The following PRKAG2 variants were observed in gnomAD, a reference collection of about 807,000 sequenced individuals.
The protein encoded by PRKAG2 is protein kinase AMP-activated non-catalytic subunit gamma 2.
A neutral mutation model predicts 69.6 loss-of-function variants in PRKAG2; 26 were observed. The ratio of observed to expected loss-of-function variants is 0.37; its 90% CI spans 0.27 to 0.52. PRKAG2 has a LOEUF of 0.52. Among genes scored for constraint, PRKAG2 ranks in the 20% least tolerant of loss-of-function variants. PRKAG2 has a pLI of 0.90. For missense variants in PRKAG2, 557 were observed against 740.0 expected (o/e 0.75, Z 2.87); for synonymous variants, 293 against 285.0 (o/e 1.03, Z -0.28).
intron 6 of PRKAG2, among the ~76,000 whole-genome samples, chr7:151,593,440 C>G (rs111589757): frequency 6.6e-6 from 1 of 152,150 alleles, no homozygotes; most frequent in African/African-American, 2.4e-5. Flanking sequence ...GTGATCTGCC[C>G]GCCTTGGCCT....
chr7:151,861,528 CAAAAAAAAAA>C (rs11406004), intron 1 of PRKAG2, among the ~76,000 whole-genome samples: 2 of 96,586 alleles, frequency 2.1e-5, no homozygotes, highest in Admixed American at 1.2e-4. Flanking sequence ...ACTCTGTCTC[CAAAAAAAAAA>C]AAAAAAAAAA....
At chr7:151,855,330 G>A (rs777197563) in intron 1 of PRKAG2, among the ~76,000 whole-genome samples, 217 of 1,346 alleles carry the variant, frequency 0.16, 40 homozygotes, top group Non-Finnish European at 0.19. Context: ...CCCACACACC[G>A]CCCTCCACAC....
At position 151,781,075 on chromosome 7, in the gene PRKAG2, C is replaced by T. The variant is rs2076642972; in HGVS notation, c.466+77G>A. The T allele has an allele frequency of 6.3e-7, 1 of 1,591,198 alleles. No individual in the cohort carries two copies. The highest frequency in any genetic ancestry group is 8.6e-7 in the Non-Finnish European group (1 of 1,163,430). Reference sequence around the variant, plus strand: ...TCACAGCCACCTGGCAGCTTCGGTGCCACCGTGGATGTGTGGCTGCAGAAG... The same window carrying T: ...TCACAGCCACCTGGCAGCTTCGGTGTCACCGTGGATGTGTGGCTGCAGAAG... On this transcript the variant is annotated intron_variant, in intron 3 of 15. Transcript: ENST00000287878. The surrounding 1 kb of genome is among the most constrained non-coding windows in gnomAD (Gnocchi z 6.1).
intron 1 of PRKAG2, among the ~76,000 whole-genome samples, chr7:151,789,522 G>C (rs543952198): frequency 2.6e-5 from 4 of 152,270 alleles, no homozygotes; most frequent in Admixed American, 6.5e-5. Flanking sequence ...TGCTTAAAGA[G>C]CAACCCCTGA....
intron 3 of PRKAG2, among the ~76,000 whole-genome samples, chr7:151,743,816 A>G (rs1679843779): frequency 6.6e-6 from 1 of 152,116 alleles, no homozygotes; most frequent in East Asian, 1.9e-4. Flanking sequence ...GGAGCCAGGG[A>G]GGCTGTGCTG....
intron 1 of PRKAG2, among the ~76,000 whole-genome samples, chr7:151,796,228 T>C (rs527421187): frequency 6.6e-6 from 1 of 151,982 alleles, no homozygotes; most frequent in East Asian, 2.0e-4. Context: ...CATAGACGGA[T>C]GGGTCTGCTC....
At chr7:151,631,922 G>T in intron 5 of PRKAG2, 147 bp downstream of exon 5, 2 of 846,764 alleles carry the variant, frequency 2.4e-6, no homozygotes, top group Non-Finnish European at 3.1e-6. Flanking sequence ...TCCCCGCCCC[G>T]GTTCCCGCCC....
At chr7:151,613,029 G>A (rs780630226) in intron 5 of PRKAG2, among the ~76,000 whole-genome samples, 2 of 152,144 alleles carry the variant, frequency 1.3e-5, no homozygotes, top group African/African-American at 4.8e-5. Flanking sequence ...GAGCCCAGCC[G>A]ATGTGTCCCA....
chr7:151,824,326 G>A (rs2078858937), intron 1 of PRKAG2, among the ~76,000 whole-genome samples: 1 of 152,168 alleles, frequency 6.6e-6, no homozygotes, highest in Admixed American at 6.5e-5. Context: ...CATCCTGCCT[G>A]GTTCCTGACT....
At chr7:151,866,863 C>T (rs979480923) in intron 1 of PRKAG2, among the ~76,000 whole-genome samples, 3 of 151,494 alleles carry the variant, frequency 2.0e-5, no homozygotes, top group Non-Finnish European at 2.9e-5. Context: ...CCACCCCTCG[C>T]ACACACCTCT....
rs1009198631 is a variant in PRKAG2, at chr7:151,814,553, G to A, written c.115-28012C>T. On this transcript the variant is annotated intron_variant, in intron 1 of 15. Coordinates refer to ENST00000287878, the MANE Select transcript of PRKAG2 (RefSeq NM_016203.4). The surrounding 1 kb of genome is among the most constrained non-coding windows in gnomAD (Gnocchi z 4.8). Reference sequence around the variant, plus strand: ...TCTGACAAATCCTGCTGCCTCACTCGAAAGGTCCATCAGAGAAGGGGTTTC... The same window carrying A: ...TCTGACAAATCCTGCTGCCTCACTCAAAAGGTCCATCAGAGAAGGGGTTTC... 4.0e-5 allele frequency: 49 copies of A among 1,231,530 alleles called. No homozygotes were observed. Among genetic ancestry groups the A allele is most frequent in the Non-Finnish European group, 4.5e-5 (44 of 987,994 alleles). The allele number at this position is 1,231,530 out of a possible 1,614,324, so 76.3% of individuals were successfully genotyped here.
intron 3 of PRKAG2, among the ~76,000 whole-genome samples, chr7:151,697,171 A>G (rs7792467): frequency 1.6e-3 from 240 of 152,228 alleles, no homozygotes; most frequent in African/African-American, 5.5e-3. Context: ...TGGCAGAGGA[A>G]GAGCAGCTGC....
chr7:151,595,314 C>G (rs1260622383), intron 6 of PRKAG2, 31 bp downstream of exon 6: 1 of 1,560,846 alleles, frequency 6.4e-7, no homozygotes, highest in Non-Finnish European at 8.8e-7. Context: ...CAAAAAATAC[C>G]AAAAAATTCA....
chr7:151,847,355 C>T lies in PRKAG2; in HGVS notation c.114+29152G>A, dbSNP rs1422860522. ...GGTTAGCAGGCTGGGGCGACAGGAGCCTACTGAGAGTGAATTAGGCAGGTG... is the reference window on the plus strand; with the variant it reads ...GGTTAGCAGGCTGGGGCGACAGGAGTCTACTGAGAGTGAATTAGGCAGGTG... On this transcript the variant is annotated intron_variant, in intron 1 of 15. Coordinates refer to ENST00000287878, the MANE Select transcript of PRKAG2 (RefSeq NM_016203.4). Among the ~76,000 whole-genome samples, 6 of 152,190 alleles carry T rather than the reference C, an allele frequency of 3.9e-5. No homozygotes were observed. In the East Asian group the frequency reaches 9.7e-4, roughly 25 times the overall value.
At chr7:151,772,529 A>G (rs975872107) in intron 3 of PRKAG2, among the ~76,000 whole-genome samples, 1 of 152,242 alleles carries the variant, frequency 6.6e-6, no homozygotes, top group Non-Finnish European at 1.5e-5. Context: ...CAAGCCTGCA[A>G]ACTTTGAGAG....
intron 3 of PRKAG2, among the ~76,000 whole-genome samples, chr7:151,700,961 C>T (rs1432988075): frequency 1.3e-5 from 2 of 152,228 alleles, no homozygotes; most frequent in Non-Finnish European, 2.9e-5. Context: ...TCCACACAGG[C>T]GAGACCACAG....
intron 3 of PRKAG2, among the ~76,000 whole-genome samples, chr7:151,688,969 C>T (rs1156518162): frequency 6.6e-6 from 1 of 152,106 alleles, no homozygotes; most frequent in Non-Finnish European, 1.5e-5. Flanking sequence ...ACCCATTTTG[C>T]ACCCTGAACC....
At chr7:151,731,628 C>T (rs184234240) in intron 3 of PRKAG2, among the ~76,000 whole-genome samples, 151 of 152,162 alleles carry the variant, frequency 9.9e-4, no homozygotes, top group African/African-American at 3.4e-3. Flanking sequence ...GCACCTTGTC[C>T]CTGGGGAAGC....
chr7:151,600,731 T>C (rs888644378), intron 5 of PRKAG2, among the ~76,000 whole-genome samples: 3 of 152,180 alleles, frequency 2.0e-5, no homozygotes, highest in African/African-American at 7.2e-5. Context: ...CTCTCCCTTC[T>C]TGCCCTTGTT....
Sources: allele counts gnomAD v4.1 joint callset (sites outside exome capture counted in the v4.1 genomes callset), GRCh38; gene constraint gnomAD v4.1.1; non-coding constraint Gnocchi (gnomAD v3.1); transcripts MANE v1.5; gene names NCBI Gene and HGNC (gene_info 2026-07-23, HGNC 2026-07-21).